The following RNF216 variants were observed in gnomAD, a reference collection of about 807,000 sequenced individuals.
RNF216 encodes the protein E3 ubiquitin-protein ligase RNF216.
Under a neutral mutation model 110.8 loss-of-function variants are expected in RNF216, and 72 were observed. That is an observed-to-expected ratio of 0.65 (90% CI 0.54 to 0.79). The LOEUF (loss-of-function observed/expected upper bound fraction) is 0.79, where lower values mean the gene tolerates loss of function less well. Among genes scored for constraint, RNF216 ranks in the 30% least tolerant of loss-of-function variants. The probability of loss-of-function intolerance (pLI) is 0.00; values close to 1 mark genes in which losing one functional copy is unlikely to be tolerated. For missense variants in RNF216, 1,342 were observed against 1,141.2 expected (o/e 1.18, Z -2.54); for synonymous variants, 495 against 407.5 (o/e 1.21, Z -2.59).
At chr7:5,658,654 C>CAA (rs753036691) in intron 13 of RNF216, among the ~76,000 whole-genome samples, 809 of 74,780 alleles carry the variant, frequency 0.011, 15 homozygotes, top group African/African-American at 0.03. Flanking sequence ...GAGACTGTCT[C>CAA]AAAAAAAAAA....
At chr7:5,746,296 T>C (rs1196935180) in intron 3 of RNF216, among the ~76,000 whole-genome samples, 1 of 152,148 alleles carries the variant, frequency 6.6e-6, no homozygotes, top group African/African-American at 2.4e-5. Flanking sequence ...CACAGGACTT[T>C]TGGGAATGTG....
intron 15 of RNF216, among the ~76,000 whole-genome samples, chr7:5,627,188 G>A (rs776128890): frequency 2.0e-5 from 3 of 152,126 alleles, no homozygotes; most frequent in South Asian, 2.1e-4. Flanking sequence ...TCAATGTTAC[G>A]GCTAGTTGGC....
Position 5,641,301 on chromosome 7 carries a change from G to A in RNF216, c.2235C>T (p.Cys745=). The A allele has an allele frequency of 2.5e-6, 4 of 1,614,160 alleles. No individual in the cohort carries two copies. Among genetic ancestry groups the A allele is most frequent in the Non-Finnish European group, 3.4e-6 (4 of 1,180,022 alleles). The change falls in exon 15 of 17, where the codon TGC becomes TGT. Residue 745 remains cysteine (C), a synonymous_variant. Coordinates refer to ENST00000389902, the MANE Select transcript of RNF216 (RefSeq NM_207111.4). ...CACCACAGCGGCAAGACATGCGGTTGCAGCCTTCAGATTTGATGAGGCCAG... is the reference window on the plus strand; with the variant it reads ...CACCACAGCGGCAAGACATGCGGTTACAGCCTTCAGATTTGATGAGGCCAG... ...CGTGLIKSEG[C]NRMSCRCGAQ...
chr7:5,779,089 G>A (rs899774781), intron 1 of RNF216, among the ~76,000 whole-genome samples: 1 of 152,188 alleles, frequency 6.6e-6, no homozygotes, highest in African/African-American at 2.4e-5. Flanking sequence ...AATGATATCA[G>A]GTATGAGAAT....
At chr7:5,706,277 AAC>A (rs943069762) in intron 13 of RNF216, among the ~76,000 whole-genome samples, 2 of 152,116 alleles carry the variant, frequency 1.3e-5, no homozygotes, top group African/African-American at 4.8e-5. Context: ...CTACCCAATT[AAC>A]ACATTTTTAA....
chr7:5,750,885 T>A (rs1447626424), intron 3 of RNF216, among the ~76,000 whole-genome samples: 2 of 152,186 alleles, frequency 1.3e-5, no homozygotes, highest in East Asian at 1.9e-4. Flanking sequence ...GATGCGAGAT[T>A]ACCTACTAAC....
chr7:5,702,567 TTTC>T (rs1271255555), intron 13 of RNF216, among the ~76,000 whole-genome samples: 2 of 152,112 alleles, frequency 1.3e-5, no homozygotes, highest in East Asian at 3.9e-4. Context: ...TTTTATTATT[TTTC>T]TTCTTCTTTA....
At position 5,623,156 on chromosome 7, in the gene RNF216, G is replaced by C; in HGVS notation, c.2476C>G (p.Pro826Ala). 1.3e-6 allele frequency: 2 copies of C among 1,573,296 alleles called. No homozygotes were observed. The highest frequency in any genetic ancestry group is 1.7e-6 in the Non-Finnish European group (2 of 1,153,936). The part of the protein sequence containing the change: ...NGENTFKRIG[P>A]PLEKPVEKVQ... Reference sequence around the variant, plus strand: ...TTCTCCACAGGCTTCTCCAGCGGGGGTCCAATGCGTTTGAAGGTGTTCTCT... The same window carrying C: ...TTCTCCACAGGCTTCTCCAGCGGGGCTCCAATGCGTTTGAAGGTGTTCTCT... The change falls in exon 17 of 17, where the codon CCC (proline) becomes GCC (alanine). Residue 826 changes from proline to alanine, a missense_variant. Transcript: ENST00000389902.
intron 13 of RNF216, among the ~76,000 whole-genome samples, chr7:5,669,892 AG>A (rs1171193656): frequency 7.2e-5 from 11 of 151,994 alleles, no homozygotes; most frequent in Non-Finnish European, 1.5e-4. Flanking sequence ...TCAAAAAAAA[AG>A]AAAGTAAGTG....
At chr7:5,635,109 C>A (rs1376116822) in intron 15 of RNF216, among the ~76,000 whole-genome samples, 1 of 152,152 alleles carries the variant, frequency 6.6e-6, no homozygotes, top group Non-Finnish European at 1.5e-5. Context: ...GGCTAGTGAC[C>A]TACACATCAT....
chr7:5,763,238 T>C (rs950344159), intron 1 of RNF216, among the ~76,000 whole-genome samples: 3 of 152,158 alleles, frequency 2.0e-5, no homozygotes, highest in Middle Eastern at 3.2e-3. Context: ...ACTCCACATA[T>C]TGATTGTGGT....
intron 13 of RNF216, among the ~76,000 whole-genome samples, chr7:5,687,584 CTG>C (rs1309553963): frequency 6.6e-6 from 1 of 152,064 alleles, no homozygotes; most frequent in Non-Finnish European, 1.5e-5. Context: ...TTCTAAAAGG[CTG>C]TGACAAGCCT....
chr7:5,662,365 C>T (rs1343740926), intron 13 of RNF216: 2 of 152,150 alleles, frequency 1.3e-5, no homozygotes, highest in East Asian at 3.8e-4. Flanking sequence ...GAGATAGGCT[C>T]CATGAAAGTG....
intron 13 of RNF216, among the ~76,000 whole-genome samples, chr7:5,676,198 G>A (rs1206431957): frequency 6.6e-6 from 1 of 152,020 alleles, no homozygotes; most frequent in East Asian, 1.9e-4. Flanking sequence ...TTTTAGGAGA[G>A]ATAGGGTTTT....
chr7:5,775,259 G>A (rs1013007114), intron 1 of RNF216: 2 of 152,142 alleles, frequency 1.3e-5, no homozygotes, highest in Non-Finnish European at 2.9e-5. Context: ...AGGAAGTCAG[G>A]AAGAAAAGAG....
chr7:5,739,349 C>T lies in RNF216; in HGVS notation c.1048G>A (p.Ala350Thr), dbSNP rs773143600. 2.5e-6 allele frequency: 4 copies of T among 1,594,442 alleles called. No individual in the cohort carries two copies. Among genetic ancestry groups the T allele is most frequent in the African/African-American group, 2.7e-5 (2 of 73,748 alleles). The change falls in exon 5 of 17, where the codon GCA becomes ACA. Residue 350 changes from alanine (A) to threonine (T), a missense_variant. Physicochemically the swap from Ala to Thr is moderately conservative, Grantham distance 58. Coordinates refer to ENST00000389902, the MANE Select transcript of RNF216 (RefSeq NM_207111.4). ...CCATTTGCTACATCTGGAAATCTTG[C>T]TTCCTAGAAACAAATAAGAACATAA... The part of the protein sequence containing the change: ...LVELLVKETE[A>T]RFPDVANGFI...
chr7:5,767,498 T>A (rs978057725), intron 1 of RNF216, among the ~76,000 whole-genome samples: 1 of 152,036 alleles, frequency 6.6e-6, no homozygotes, highest in Non-Finnish European at 1.5e-5. Context: ...CACCAAGTTG[T>A]TAACCTATGC....
chr7:5,745,060 T>C (rs1247583407), intron 3 of RNF216, among the ~76,000 whole-genome samples: 5 of 152,020 alleles, frequency 3.3e-5, no homozygotes, highest in Non-Finnish European at 2.9e-5. Context: ...AAGGATATCA[T>C]ACGTACACAC....
chr7:5,749,735 G>C (rs1795236162), intron 3 of RNF216, among the ~76,000 whole-genome samples: 1 of 152,134 alleles, frequency 6.6e-6, no homozygotes, highest in South Asian at 2.1e-4. Context: ...AACGAACTCT[G>C]ACAAATACAA....
Sources: gnomAD v4.1 joint callset for allele counts (sites outside exome capture counted in the v4.1 genomes callset) on GRCh38, gnomAD v4.1.1 for gene constraint, MANE v1.5 for transcripts, NCBI Gene and HGNC (gene_info 2026-07-23, HGNC 2026-07-21) for gene names.